Variants in LINGO2 observed in about 807,000 individuals in gnomAD.
The protein encoded by LINGO2 is leucine-rich repeat and immunoglobulin-like domain-containing nogo receptor-interacting protein 2.
LINGO2 carries 14 observed loss-of-function variants against 30.6 expected under a neutral mutation model. The observed-to-expected ratio is 0.46, with a 90% CI of 0.30 to 0.72. The LOEUF is 0.72. Ranked by LOEUF, LINGO2 falls within the 30% of genes least tolerant of loss-of-function variation. The pLI is 0.07. For missense variants in LINGO2, 729 were observed against 751.7 expected, an observed-to-expected ratio of 0.97 and a Z score of 0.35; for synonymous variants, 317 against 288.5, an observed-to-expected ratio of 1.10 and a Z score of -1.00.
chr9:28,208,322 T>A (rs1820479844), intron 4 of LINGO2, among the ~76,000 whole-genome samples: 1 of 152,090 alleles, frequency 6.6e-6, no homozygotes, highest in African/African-American at 2.4e-5. Flanking sequence ...TGCAACTGAA[T>A]TTATAGACAC....
chr9:28,090,179 T>C (rs540259523), intron 4 of LINGO2, among the ~76,000 whole-genome samples: 8 of 152,098 alleles, frequency 5.3e-5, no homozygotes, highest in African/African-American at 1.7e-4. Flanking sequence ...TTCCAATCAA[T>C]AGAAAAAGAG....
At chr9:28,125,653 C>T (rs979612978) in intron 4 of LINGO2, among the ~76,000 whole-genome samples, 8 of 152,070 alleles carry the variant, frequency 5.3e-5, no homozygotes, top group East Asian at 1.9e-4. Context: ...TTAAGGCCCA[C>T]GTAGATTTCC....
chr9:28,507,242 C>T (rs58936962), intron 1 of LINGO2, among the ~76,000 whole-genome samples: 10 of 37,428 alleles, frequency 2.7e-4, no homozygotes, highest in East Asian at 9.7e-4. Flanking sequence ...TGTGTGCGTG[C>T]GTGCGCACAT....
At chr9:29,085,241 A>C in the LINGO2 span, among the ~76,000 whole-genome samples, 7 of 141,434 alleles carry the variant, frequency 4.9e-5, no homozygotes, top group South Asian at 6.8e-4. Flanking sequence ...TCCCTATCTT[A>C]TCTAACTCAA....
At chr9:28,323,626 C>T (rs773611648) in intron 3 of LINGO2, among the ~76,000 whole-genome samples, 1 of 151,988 alleles carries the variant, frequency 6.6e-6, no homozygotes, top group Non-Finnish European at 1.5e-5. Flanking sequence ...AAGAAGCAAG[C>T]CAAACAGATC....
chr9:28,757,047 T>C, the LINGO2 span, among the ~76,000 whole-genome samples: 1 of 152,044 alleles, frequency 6.6e-6, no homozygotes, highest in African/African-American at 2.4e-5. Flanking sequence ...ATAAATCCAA[T>C]GATGATGATA....
intron 3 of LINGO2, among the ~76,000 whole-genome samples, chr9:28,355,299 G>GTCTCTCTCTC (rs3065608): frequency 8.3e-6 from 1 of 120,946 alleles, no homozygotes; most frequent in Non-Finnish European, 1.7e-5. Flanking sequence ...CTCTCTCTAT[G>GTCTCTCTCTC]TCTCTCTCTC....
chr9:28,769,017 A>T, the LINGO2 span, among the ~76,000 whole-genome samples: 1 of 152,116 alleles, frequency 6.6e-6, no homozygotes, highest in Non-Finnish European at 1.5e-5. Context: ...TCTTCGTATT[A>T]TACAAACAGT....
chr9:28,136,205 G>A (rs1214854838), intron 4 of LINGO2, among the ~76,000 whole-genome samples: 2 of 152,194 alleles, frequency 1.3e-5, no homozygotes, highest in Non-Finnish European at 2.9e-5. Context: ...GTTACTGTGA[G>A]GCTAATGGTG....
In LINGO2 at chr9:28,415,761, T is replaced by C. The variant is rs111808041; in HGVS notation, c.-278-42893A>G. Among the ~76,000 whole-genome samples the C allele has an allele frequency of 3.3e-3, 509 of 152,300 alleles. 3 individuals are homozygous for C. Among genetic ancestry groups the C allele is most frequent in the African/African-American group, 0.012 (489 of 41,572 alleles). On this transcript the variant is annotated intron_variant, in intron 2 of 5. Coordinates refer to ENST00000379992, the Ensembl canonical transcript of LINGO2. ...CATCCGTACCTTTACAGAAAAAGTGTTATACTATATGTTCCATGAGAGCTG... is the reference window on the plus strand; with the variant it reads ...CATCCGTACCTTTACAGAAAAAGTGCTATACTATATGTTCCATGAGAGCTG...
intron 4 of LINGO2, among the ~76,000 whole-genome samples, chr9:28,059,538 CA>C (rs1306274370): frequency 6.6e-6 from 1 of 152,062 alleles, no homozygotes; most frequent in East Asian, 1.9e-4. Flanking sequence ...GCTATGTAAC[CA>C]GTGCTATTCT....
At chr9:28,377,920 A>G (rs943861776) in intron 2 of LINGO2, among the ~76,000 whole-genome samples, 1 of 152,190 alleles carries the variant, frequency 6.6e-6, no homozygotes. Context: ...GAAGTTACCT[A>G]ATTCTATGCA....
chr9:28,962,970 G>A, the LINGO2 span, among the ~76,000 whole-genome samples: 1 of 151,732 alleles, frequency 6.6e-6, no homozygotes, highest in Non-Finnish European at 1.5e-5. Context: ...ATCCTTGAAG[G>A]TTTACTTTCT....
chr9:28,803,698 T>A, the LINGO2 span, among the ~76,000 whole-genome samples: 390 of 151,988 alleles, frequency 2.6e-3, 1 homozygote, highest in African/African-American at 8.9e-3. Context: ...TCCCCATTAG[T>A]CCAGATAATG....
the LINGO2 span, among the ~76,000 whole-genome samples, chr9:28,984,594 A>C: frequency 1.3e-5 from 2 of 152,094 alleles, no homozygotes; most frequent in Non-Finnish European, 2.9e-5. Context: ...AGGGGAAATA[A>C]AATGAATGAC....
intron 1 of LINGO2, among the ~76,000 whole-genome samples, chr9:28,655,890 T>C (rs1828314115): frequency 6.6e-6 from 1 of 152,140 alleles, no homozygotes; most frequent in African/African-American, 2.4e-5. Flanking sequence ...GTCCCAGGTA[T>C]GTCTTTATTA....
the LINGO2 span, among the ~76,000 whole-genome samples, chr9:28,772,979 T>G: frequency 5.4e-4 from 82 of 152,212 alleles, no homozygotes; most frequent in African/African-American, 1.9e-3. Context: ...CACGTTGCCT[T>G]GAGAGATGGA....
At chr9:28,851,026 A>T in the LINGO2 span, among the ~76,000 whole-genome samples, 557 of 152,102 alleles carry the variant, frequency 3.7e-3, 5 homozygotes, top group African/African-American at 0.013. Flanking sequence ...AGTGTGCAAA[A>T]AGATAGCTTA....
chr9:28,159,658 G>T (rs1238754236), intron 4 of LINGO2, among the ~76,000 whole-genome samples: 3 of 151,958 alleles, frequency 2.0e-5, no homozygotes, highest in Non-Finnish European at 4.4e-5. Context: ...AAAGACTAGT[G>T]TAGAAATCCA....
Sources: gnomAD v4.1 joint callset for allele counts (sites outside exome capture counted in the v4.1 genomes callset) on GRCh38, gnomAD v4.1.1 for gene constraint, MANE v1.5 for transcripts, NCBI Gene and HGNC (gene_info 2026-07-23, HGNC 2026-07-21) for gene names.